The following MAP3K6 variants were observed in gnomAD, a reference collection of about 807,000 sequenced individuals.
MAP3K6 encodes the protein mitogen-activated protein kinase kinase kinase 6.
MAP3K6 carries 105 observed loss-of-function variants against 147.1 expected under a neutral mutation model. The observed-to-expected ratio is 0.71, with a 90% CI of 0.61 to 0.84. The LOEUF (loss-of-function observed/expected upper bound fraction) is 0.84. Ranked by LOEUF, MAP3K6 falls within the 40% of genes least tolerant of loss-of-function variation. The probability of loss-of-function intolerance (pLI) is 0.00; values close to 1 mark genes in which losing one functional copy is unlikely to be tolerated. For missense variants in MAP3K6, 1,569 were observed against 1,715.0 expected, an observed-to-expected ratio of 0.91 and a Z score of 1.50; for synonymous variants, 695 against 732.4, an observed-to-expected ratio of 0.95 and a Z score of 0.82.
Position 27,362,264 on chromosome 1 carries a change from G to T in MAP3K6, c.1256-14C>A. ...CCAGCTTCATGCCTGGGGGAGAGAG[G>T]CATGGGCTCCAGTGAGTGTGGGTGC... On this transcript the variant is annotated splice_polypyrimidine_tract_variant and intron_variant, in intron 8 of 28. Coordinates refer to ENST00000357582, the MANE Select transcript of MAP3K6 (RefSeq NM_004672.5). 1 of 1,605,078 alleles carries T rather than the reference G, an allele frequency of 6.2e-7. No individual in the cohort carries two copies. Among genetic ancestry groups the T allele is most frequent in the South Asian group, 1.1e-5 (1 of 89,810 alleles).
chr1:27,366,452 T>C lies in MAP3K6; in HGVS notation c.146A>G (p.Tyr49Cys). The change falls in exon 1 of 29, where the codon TAC becomes TGC. Residue 49 changes from tyrosine (Y) to cysteine (C), a missense_variant. By Grantham distance (194) the Tyr-to-Cys change is radical. Coordinates refer to ENST00000357582, the MANE Select transcript of MAP3K6 (RefSeq NM_004672.5). The surrounding 1 kb of genome is among the most constrained non-coding windows in gnomAD (Gnocchi z 5.5). ...GGGCTGCGGCTCCCGGGTCAGCACGTAGACCACGCTGAGCGGCCGGCTCCG... is the reference window on the plus strand; with the variant it reads ...GGGCTGCGGCTCCCGGGTCAGCACGCAGACCACGCTGAGCGGCCGGCTCCG... ...CARSRPLSVVYVLTREPQPGL... is the reference protein window; with the variant it reads ...CARSRPLSVVCVLTREPQPGL... The C allele has an allele frequency of 8.4e-7, 1 of 1,195,244 alleles. No individual in the cohort carries two copies. Among genetic ancestry groups the C allele is most frequent in the African/African-American group, 1.6e-5 (1 of 62,924 alleles). 74.0% of individuals were successfully genotyped at this position (1,195,244 alleles called of 1,614,324 possible).
In MAP3K6 at chr1:27,356,055, G is replaced by T. The variant is rs1033988352; in HGVS notation, c.3682C>A (p.Leu1228Met). ...DQGLVQWLQELNVDSGTIQML... is the reference protein window; with the variant it reads ...DQGLVQWLQEMNVDSGTIQML... ...TGGATGGTGCCTGAATCCACATTCA[G>T]TTCCTGTAGCCACTGCACCAGGCCC... is the stretch of plus-strand genomic sequence containing the variant. The change falls in exon 27 of 29, where the codon CTG becomes ATG. Residue 1228 changes from leucine (L) to methionine (M), a missense_variant. Transcript: ENST00000357582. 6 of 1,614,166 alleles carry T rather than the reference G, an allele frequency of 3.7e-6. No individual in the cohort carries two copies. The highest frequency in any genetic ancestry group is 5.1e-6 in the Non-Finnish European group (6 of 1,180,024).
chr1:27,362,283 TG>T, intron 8 of MAP3K6, 33 bp from the exon 9 acceptor site: 1 of 1,593,814 alleles, frequency 6.3e-7, no homozygotes, highest in Non-Finnish European at 8.6e-7. Flanking sequence ...CCAGTGAGTG[TG>T]GGTGCAGGGG....
chr1:27,362,449 G>A (rs1259707174), intron 8 of MAP3K6, among the ~76,000 whole-genome samples, 192 bp downstream of exon 8: 1 of 152,188 alleles, frequency 6.6e-6, no homozygotes, highest in African/African-American at 2.4e-5. Flanking sequence ...TGTGAGTTTG[G>A]GAACATTTGT....
Position 27,359,393 on chromosome 1 carries a change from C to T in MAP3K6, c.2425+24G>A, listed in dbSNP as rs1294434466. 2 of 1,613,890 alleles carry T rather than the reference C, an allele frequency of 1.2e-6. No individual in the cohort carries two copies. The highest frequency in any genetic ancestry group is 1.6e-4 in the Middle Eastern group (1 of 6,084). On this transcript the variant is annotated intron_variant, in intron 18 of 28. Coordinates refer to ENST00000357582, the MANE Select transcript of MAP3K6 (RefSeq NM_004672.5). The surrounding 1 kb of genome is among the most constrained non-coding windows in gnomAD (Gnocchi z 4.4). ...CTTCTGCCCCAGGTCAGCATCCCCA[C>T]TCACCACCCCCACACCTTGTTACCT...
Position 27,362,979 on chromosome 1 carries a change from C to T in MAP3K6, c.1014G>A (p.Leu338=), listed in dbSNP as rs1571075094. Reference sequence around the variant, plus strand: ...AGCCCTCAAGCTGTACCAGCGGCAGCAGCACAGACAGGGCCTTCGCCCGGT... The same window carrying T: ...AGCCCTCAAGCTGTACCAGCGGCAGTAGCACAGACAGGGCCTTCGCCCGGT... ...PGDRAKALSV[L]LPLVQLEGSV... Residue 338 remains leucine (L), a synonymous_variant, in exon 7 of 29, where the codon CTG becomes CTA. Transcript: ENST00000357582. 2.5e-6 allele frequency: 4 copies of T among 1,613,910 alleles called. No homozygotes were observed. The highest frequency in any genetic ancestry group is 1.7e-5 in the Admixed American group (1 of 60,000).
In MAP3K6 at chr1:27,364,601, G is replaced by A; in HGVS notation, c.504+60C>T. 3 of 1,611,436 alleles carry A rather than the reference G, an allele frequency of 1.9e-6. No homozygotes were observed. Among genetic ancestry groups the A allele is most frequent in the Non-Finnish European group, 2.5e-6 (3 of 1,177,560 alleles). On this transcript the variant is annotated intron_variant, in intron 3 of 28. Coordinates refer to ENST00000357582, the MANE Select transcript of MAP3K6 (RefSeq NM_004672.5). The surrounding 1 kb of genome is among the most constrained non-coding windows in gnomAD (Gnocchi z 4.4). ...TGAGGAGGCCAGGGGGATTAGTGGA[G>A]GTCAGAGGTCATAGCGGAAGTCAAA...
chr1:27,362,587 A>AGGCCCCTCGGAACCCCTGTG, intron 8 of MAP3K6, 54 bp downstream of exon 8: 2 of 1,371,124 alleles, frequency 1.5e-6, no homozygotes, highest in Non-Finnish European at 2.0e-6. Flanking sequence ...CCCTCTTCCC[A>AGGCCCCTCGGAACCCCTGTG]GGCCCCTCGG....
At position 27,356,591 on chromosome 1, in the gene MAP3K6, G is replaced by A. The variant is rs755632728; in HGVS notation, c.3523C>T (p.Arg1175Trp). The A allele has an allele frequency of 6.2e-7, 1 of 1,612,416 alleles. No homozygotes were observed. The highest frequency in any genetic ancestry group is 8.5e-7 in the Non-Finnish European group (1 of 1,179,064). ...ATGAGCGATTCCAAGGGGCTTTACC[G>A]ATCAGTCTCTGCCCTCAAGAGGCTC... is the stretch of plus-strand genomic sequence containing the variant. Reference protein sequence around the residue: ...QLSLLRAETDRLREILAGKER... With the variant: ...QLSLLRAETDWLREILAGKER... Residue 1175 changes from arginine to tryptophan, a missense_variant and splice_region_variant, in exon 25 of 29, where the codon CGG becomes TGG. Coordinates refer to ENST00000357582, the MANE Select transcript of MAP3K6 (RefSeq NM_004672.5).
intron 1 of MAP3K6, among the ~76,000 whole-genome samples, chr1:27,365,133 C>G (rs548059945): frequency 6.6e-6 from 1 of 152,282 alleles, no homozygotes; most frequent in Non-Finnish European, 1.5e-5. Context: ...TTGGGACCCT[C>G]AGGCCACGGT....
Position 27,360,085 on chromosome 1 carries a change from C to T in MAP3K6, c.2183-91G>A. 1.9e-6 allele frequency: 3 copies of T among 1,588,556 alleles called. No individual in the cohort carries two copies. Among genetic ancestry groups the T allele is most frequent in the Admixed American group, 1.7e-5 (1 of 59,312 alleles). On this transcript the variant is annotated intron_variant, in intron 16 of 28. Coordinates refer to ENST00000357582, the MANE Select transcript of MAP3K6 (RefSeq NM_004672.5). This position sits in a 1 kb window ranked among gnomAD's most constrained non-coding sequence, Gnocchi z 4.5. ...AGGCCCAGACACACCCATGTTGTAG[C>T]CCAACTCCATCACCCAGCGCCACTC...
chr1:27,359,004 G>T lies in MAP3K6; in HGVS notation c.2426-138C>A, dbSNP rs533850479. The T allele has an allele frequency of 1.9e-4, 168 of 867,386 alleles. 4 individuals carry two copies. The South Asian group carries it at 2.7e-3, about 14-fold the overall frequency. The allele number at this position is 867,386 out of a possible 1,614,324, so 53.7% of individuals were successfully genotyped here. On this transcript the variant is annotated intron_variant, in intron 18 of 28. Coordinates refer to ENST00000357582, the MANE Select transcript of MAP3K6 (RefSeq NM_004672.5). This position sits in a 1 kb window ranked among gnomAD's most constrained non-coding sequence, Gnocchi z 4.4. Reference sequence around the variant, plus strand: ...CAAAATATACCTCAACACCTATCCTGGTCATCAAACATCTATCCTGAGTTC... The same window carrying T: ...CAAAATATACCTCAACACCTATCCTTGTCATCAAACATCTATCCTGAGTTC...
In MAP3K6 at chr1:27,359,068, G is replaced by A. The variant is rs1019009688; in HGVS notation, c.2426-202C>T. On this transcript the variant is annotated intron_variant, in intron 18 of 28. Transcript: ENST00000357582. This position sits in a 1 kb window ranked among gnomAD's most constrained non-coding sequence, Gnocchi z 4.4. ...GGCTCCATCGCCTGCCAAGGCTTCC[G>A]TCATTCATCCTGGGCTCCACCACAT... Among the ~76,000 whole-genome samples the A allele has an allele frequency of 3.3e-5, 5 of 152,064 alleles. No individual in the cohort carries two copies. Among genetic ancestry groups the A allele is most frequent in the Admixed American group, 2.6e-4 (4 of 15,262 alleles).
In MAP3K6 at chr1:27,361,959, C is replaced by T. The variant is rs59479145; in HGVS notation, c.1416-92G>A. The T allele has an allele frequency of 8.1e-3, 12,123 of 1,502,198 alleles. 850 individuals carry two copies. The African/African-American group carries it at 0.15, about 18-fold the overall frequency. The allele number at this position is 1,502,198 out of a possible 1,614,324, so 93.1% of individuals were successfully genotyped here. ...GGCCTGGATATAGCTAGAACGTTGGCATGGGGTGCCACGGGCACTGGTCTA... is the reference window on the plus strand; with the variant it reads ...GGCCTGGATATAGCTAGAACGTTGGTATGGGGTGCCACGGGCACTGGTCTA... On this transcript the variant is annotated intron_variant, in intron 9 of 28. Coordinates refer to ENST00000357582, the MANE Select transcript of MAP3K6 (RefSeq NM_004672.5).
Position 27,361,786 on chromosome 1 carries a change from G to T in MAP3K6, c.1497C>A (p.Arg499=), listed in dbSNP as rs2015783806. ...PTPEPPGGPP[R]RAHFWLHFLL... ...AGAAGTGGAGCCAGAAGTGGGCACG[G>T]CGTGGTGGCCCTCCAGGGGGCTCTG... is the stretch of plus-strand genomic sequence containing the variant. The change falls in exon 10 of 29, where the codon CGC becomes CGA. Residue 499 remains arginine (R), a synonymous_variant. Transcript: ENST00000357582. The T allele has an allele frequency of 3.1e-6, 5 of 1,611,972 alleles. No homozygotes were observed. Among genetic ancestry groups the T allele is most frequent in the Non-Finnish European group, 4.2e-6 (5 of 1,179,022 alleles).
intron 8 of MAP3K6, 79 bp downstream of exon 8, chr1:27,362,562 T>G: frequency 2.7e-6 from 3 of 1,108,838 alleles, no homozygotes; most frequent in Non-Finnish European, 3.9e-6. Context: ...TCTTGCCCAG[T>G]GTGCTCTCTC....
Position 27,356,387 on chromosome 1 carries a change from C to G in MAP3K6, c.3637+1G>C. The G allele has an allele frequency of 6.2e-7, 1 of 1,604,616 alleles. No homozygotes were observed. The highest frequency in any genetic ancestry group is 8.5e-7 in the Non-Finnish European group (1 of 1,175,870). ...ATGTTCTCCAGCCAAGGCCCACTCA[C>G]TTGGAGGCTCTGGGGCCAGGACATA... On this transcript the variant is annotated splice_donor_variant, in intron 26 of 28. Coordinates refer to ENST00000357582, the MANE Select transcript of MAP3K6 (RefSeq NM_004672.5). LOFTEE classifies it high-confidence loss of function.
At chr1:27,362,561 G>A (rs2015817887) in intron 8 of MAP3K6, 80 bp downstream of exon 8, 1 of 1,103,852 alleles carries the variant, frequency 9.1e-7, no homozygotes, top group Non-Finnish European at 1.3e-6. Flanking sequence ...CTCTTGCCCA[G>A]TGTGCTCTCT....
chr1:27,362,649 C>G lies in MAP3K6; in HGVS notation c.1247G>C (p.Arg416Pro). ...GQHFEDSKEL[R>P]LIGMKLGCLL... ...CCAGGATCTGTGCTCACCTATTAGC[C>G]GGAGCTCTTTGGAATCCTCAAAGTG... is the stretch of plus-strand genomic sequence containing the variant. The change falls in exon 8 of 29, where the codon CGG becomes CCG. Residue 416 changes from arginine to proline, a missense_variant. Transcript: ENST00000357582. 1.9e-6 allele frequency: 3 copies of G among 1,586,874 alleles called. No homozygotes were observed. The South Asian group carries it at 3.4e-5, about 18-fold the overall frequency.
Sources: gnomAD v4.1 joint callset for allele counts (sites outside exome capture counted in the v4.1 genomes callset) on GRCh38, gnomAD v4.1.1 for gene constraint, Gnocchi (gnomAD v3.1) non-coding constraint, MANE v1.5 for transcripts, NCBI Gene and HGNC (gene_info 2026-07-23, HGNC 2026-07-21) for gene names.